Variants in SMPD2 observed in about 807,000 individuals in gnomAD.
SMPD2 encodes N-SMase.
A neutral mutation model predicts 41.7 loss-of-function variants in SMPD2; 35 were observed. That is an observed-to-expected ratio of 0.84 (90% CI 0.64 to 1.11). The LOEUF (loss-of-function observed/expected upper bound fraction) is 1.11. SMPD2 is among the 50% of genes most tolerant of loss of function. SMPD2 has a pLI of 0.00. For missense variants in SMPD2, 520 were observed against 524.8 expected (o/e 0.99, Z 0.09); for synonymous variants, 201 against 208.2 (o/e 0.97, Z 0.30).
chr6:109,441,212 G>T, intron 1 of SMPD2, 41 bp downstream of exon 1: 1 of 1,611,976 alleles, frequency 6.2e-7, no homozygotes. Flanking sequence ...GCCACCTTCC[G>T]TTCGCACCCA....
Position 109,441,053 on chromosome 6 carries a change from C to T in SMPD2, c.-69C>T, listed in dbSNP as rs978619621. On this transcript the variant is annotated 5_prime_UTR_variant, in exon 1 of 10. Coordinates refer to ENST00000258052, the MANE Select transcript of SMPD2 (RefSeq NM_003080.3). ...GGTCTGGGGAGAAGGCGCCGCCGGCCGCCCCCGTCCCCACCGCGGCCGTCG... is the reference window on the plus strand; with the variant it reads ...GGTCTGGGGAGAAGGCGCCGCCGGCTGCCCCCGTCCCCACCGCGGCCGTCG... 3 of 1,530,000 alleles carry T rather than the reference C, an allele frequency of 2.0e-6. No homozygotes were observed. Among genetic ancestry groups the T allele is most frequent in the Admixed American group, 3.4e-5 (2 of 58,016 alleles). The allele number at this position is 1,530,000 out of a possible 1,614,324, so 94.8% of individuals were successfully genotyped here.
In SMPD2 at chr6:109,441,061, T is replaced by TC. The variant is rs1267408905; in HGVS notation, c.-57dup. On this transcript the variant is annotated 5_prime_UTR_variant, in exon 1 of 10. Coordinates refer to ENST00000258052, the MANE Select transcript of SMPD2 (RefSeq NM_003080.3). Reference sequence around the variant, plus strand: ...GAGAAGGCGCCGCCGGCCGCCCCCGTCCCCACCGCGGCCGTCGCTGGAGAG... The same window carrying TC: ...GAGAAGGCGCCGCCGGCCGCCCCCGTCCCCCACCGCGGCCGTCGCTGGAGAG... 1.1e-5 allele frequency: 18 copies of TC among 1,570,614 alleles called. No homozygotes were observed. Among genetic ancestry groups the TC allele is most frequent in the Admixed American group, 8.4e-5 (5 of 59,446 alleles).
Position 109,442,977 on chromosome 6 carries a change from G to C in SMPD2, c.625G>C (p.Gly209Arg). ...DAYLETRDFKGSEEGNTMVPK... is the reference protein window; with the variant it reads ...DAYLETRDFKRSEEGNTMVPK... The stretch of plus-strand genomic sequence containing the variant: ...TAGCATGAGCCAATGATTCCCTTAG[G>C]GCTCTGAGGAAGGCAACACAATGGT... Residue 209 changes from glycine to arginine, a missense_variant and splice_region_variant, in exon 8 of 10, where the codon GGC becomes CGC. Physicochemically the swap from Gly to Arg is moderately radical, Grantham distance 125. Transcript: ENST00000258052. The C allele has an allele frequency of 6.2e-7, 1 of 1,613,968 alleles. No individual in the cohort carries two copies.
At position 109,441,976 on chromosome 6, in the gene SMPD2, G is replaced by A; in HGVS notation, c.227G>A (p.Gly76Glu). The change falls in exon 4 of 10, where the codon GGA (glycine) becomes GAA (glutamate). Residue 76 changes from glycine to glutamate, a missense_variant and splice_region_variant. Transcript: ENST00000258052. ...ATTAAGCAGGGCTTGGCTTTCAGCG[G>A]AATCATTGGCAGTGGCCTCTGTGTC... is the stretch of plus-strand genomic sequence containing the variant. ...TYPAAHHFRS[G>E]IIGSGLCVFS... 1 of 1,614,098 alleles carries A rather than the reference G, an allele frequency of 6.2e-7. No homozygotes were observed. The highest frequency in any genetic ancestry group is 8.5e-7 in the Non-Finnish European group (1 of 1,179,922).
Position 109,442,203 on chromosome 6 carries a change from C to G in SMPD2, c.319-7C>G. 9 of 1,613,982 alleles carry G rather than the reference C, an allele frequency of 5.6e-6. No individual in the cohort carries two copies. Among genetic ancestry groups the G allele is most frequent in the Non-Finnish European group, 7.6e-6 (9 of 1,179,832 alleles). On this transcript the variant is annotated splice_region_variant and splice_polypyrimidine_tract_variant and intron_variant, in intron 4 of 9. Coordinates refer to ENST00000258052, the MANE Select transcript of SMPD2 (RefSeq NM_003080.3). ...TGCCCTGAGTTTCTATCTCCTCCTG[C>G]CTGCAGATCCATCATGGTGACTGGT...
chr6:109,443,191 G>A, intron 8 of SMPD2, 76 bp from the exon 9 acceptor site: 1 of 1,577,290 alleles, frequency 6.3e-7, no homozygotes, highest in South Asian at 1.1e-5. Flanking sequence ...TGGGTGGAAA[G>A]TGGGGTAGCC....
chr6:109,442,180 C>A (rs1248469187), intron 4 of SMPD2, 30 bp from the exon 5 acceptor site: 1 of 1,609,186 alleles, frequency 6.2e-7, no homozygotes, highest in Non-Finnish European at 8.5e-7. Context: ...GGTGGCGGTG[C>A]CCTGAGTTTC....
intron 8 of SMPD2, 70 bp from the exon 9 acceptor site, chr6:109,443,196 GT>G (rs1775027359): frequency 6.3e-7 from 1 of 1,580,838 alleles, no homozygotes; most frequent in Non-Finnish European, 8.7e-7. Context: ...GGAAAGTGGG[GT>G]AGCCGGGAGC....
Position 109,443,613 on chromosome 6 carries a change from C to T in SMPD2, c.980C>T (p.Ala327Val), listed in dbSNP as rs200878366. 2.3e-4 allele frequency: 374 copies of T among 1,613,834 alleles called. No individual in the cohort carries two copies. The highest frequency in any genetic ancestry group is 3.0e-4 in the Non-Finnish European group (349 of 1,179,984). The change falls in exon 10 of 10, where the codon GCT (alanine) becomes GTT (valine). Residue 327 changes from alanine (A) to valine (V), a missense_variant. Physicochemically the swap from Ala to Val is moderately conservative, Grantham distance 64. Transcript: ENST00000258052. Reference sequence around the variant, plus strand: ...CAGGCTCGCTGGTGGGCCACCTTCGCTAGCTATGTGATTGGCCTGGGGCTG... The same window carrying T: ...CAGGCTCGCTGGTGGGCCACCTTCGTTAGCTATGTGATTGGCCTGGGGCTG... ...MAQARWWATF[A>V]SYVIGLGLLL...
chr6:109,442,034 GC>G lies in SMPD2; in HGVS notation c.286del (p.His96ThrfsTer11). 1 of 1,613,710 alleles carries G rather than the reference GC, an allele frequency of 6.2e-7. No individual in the cohort carries two copies. The highest frequency in any genetic ancestry group is 8.5e-7 in the Non-Finnish European group (1 of 1,179,768). On this transcript the variant is annotated frameshift_variant, in exon 4 of 10. Coordinates refer to ENST00000258052, the MANE Select transcript of SMPD2 (RefSeq NM_003080.3). LOFTEE classifies it high-confidence loss of function. ...SKHPIQELTQ[H>X]IYTLNGYPYM... Reference sequence around the variant, plus strand: ...AACATCCAATCCAGGAGCTTACCCAGCACATCTACACTCTCAATGGCTACCC... The same window carrying G: ...AACATCCAATCCAGGAGCTTACCCAGACATCTACACTCTCAATGGCTACCC...
At position 109,440,835 on chromosome 6, in the gene SMPD2, AC is replaced by A; in HGVS notation, c.-282del. On this transcript the variant is annotated 5_prime_UTR_variant, in exon 1 of 10. Transcript: ENST00000258052. ...CCGCCCACCCGGGGGCGCTCTCCGG[AC>A]CCCCAGGGTCCTAGCGCGCGGCCCT... is the stretch of plus-strand genomic sequence containing the variant. 1 of 400,952 alleles carries A rather than the reference AC, an allele frequency of 2.5e-6. No individual in the cohort carries two copies. Among genetic ancestry groups the A allele is most frequent in the Non-Finnish European group, 4.3e-6 (1 of 229,966 alleles). The allele number at this position is 400,952 out of a possible 1,614,324, so 24.8% of individuals were successfully genotyped here.
chr6:109,442,233 T>C lies in SMPD2; in HGVS notation c.342T>C (p.Ser114=). 2 of 1,614,114 alleles carry C rather than the reference T, an allele frequency of 1.2e-6. No homozygotes were observed. Among genetic ancestry groups the C allele is most frequent in the East Asian group, 2.2e-5 (1 of 44,880 alleles). ...PYMIHHGDWF[S]GKAVGLLVLH... The stretch of plus-strand genomic sequence containing the variant: ...AGATCCATCATGGTGACTGGTTCAG[T>C]GGGAAGGCTGTGGGGCTGCTGGTGC... Residue 114 remains serine, a synonymous_variant, in exon 5 of 10, where the codon AGT becomes AGC. Transcript: ENST00000258052.
Position 109,443,285 on chromosome 6 carries a change from A to G in SMPD2, c.748A>G (p.Ile250Val), listed in dbSNP as rs1373461130. The change falls in exon 9 of 10, where the codon ATC becomes GTC. Residue 250 changes from isoleucine (I) to valine (V), a missense_variant. Physicochemically the swap from Ile to Val is conservative, Grantham distance 29. Coordinates refer to ENST00000258052, the MANE Select transcript of SMPD2 (RefSeq NM_003080.3). The stretch of plus-strand genomic sequence containing the variant: ...TTCCTAGGCAGTTTCTGGGTTTTAC[A>G]TCTCCTGTAAGAGTTTTGAAACCAC... ...VLYKAVSGFY[I>V]SCKSFETTTG... 1.9e-6 allele frequency: 3 copies of G among 1,614,004 alleles called. No homozygotes were observed. Among genetic ancestry groups the G allele is most frequent in the Admixed American group, 1.7e-5 (1 of 59,996 alleles).
At position 109,442,240 on chromosome 6, in the gene SMPD2, G is replaced by A. The variant is rs1156936464; in HGVS notation, c.349G>A (p.Ala117Thr). 1 of 1,614,104 alleles carries A rather than the reference G, an allele frequency of 6.2e-7. No individual in the cohort carries two copies. Among genetic ancestry groups the A allele is most frequent in the East Asian group, 2.2e-5 (1 of 44,896 alleles). Residue 117 changes from alanine to threonine, a missense_variant, in exon 5 of 10, where the codon GCT (alanine) becomes ACT (threonine). By Grantham distance (58) the Ala-to-Thr change is moderately conservative. Coordinates refer to ENST00000258052, the MANE Select transcript of SMPD2 (RefSeq NM_003080.3). Reference protein sequence around the residue: ...IHHGDWFSGKAVGLLVLHLSG... With the variant: ...IHHGDWFSGKTVGLLVLHLSG... ...TCATGGTGACTGGTTCAGTGGGAAGGCTGTGGGGCTGCTGGTGCTCCATCT... is the reference window on the plus strand; with the variant it reads ...TCATGGTGACTGGTTCAGTGGGAAGACTGTGGGGCTGCTGGTGCTCCATCT...
At chr6:109,442,437 T>C in intron 5 of SMPD2, 106 bp from the exon 6 acceptor site, 1 of 1,333,576 alleles carries the variant, frequency 7.5e-7, no homozygotes, top group Non-Finnish European at 1.1e-6. Flanking sequence ...GCAAGGCTTA[T>C]CCATTGTATA....
At chr6:109,442,329 G>T (rs368484373) in intron 5 of SMPD2, 30 bp downstream of exon 5, 1 of 1,588,366 alleles carries the variant, frequency 6.3e-7, no homozygotes, top group Non-Finnish European at 8.6e-7. Context: ...CCTAGGGCTG[G>T]GACATGCAGC....
chr6:109,441,754 G>T, intron 3 of SMPD2, 126 bp downstream of exon 3: 1 of 994,180 alleles, frequency 1.0e-6, no homozygotes, highest in African/African-American at 1.6e-5. Context: ...TGTGAGAGAA[G>T]GAGAAGGGTG....
chr6:109,442,443 G>A (rs1340739615), intron 5 of SMPD2, 100 bp from the exon 6 acceptor site: 22 of 1,357,986 alleles, frequency 1.6e-5, no homozygotes, highest in Non-Finnish European at 1.7e-5. Context: ...CTTATCCATT[G>A]TATACCAAAC....
At chr6:109,442,185 A>G in intron 4 of SMPD2, 25 bp from the exon 5 acceptor site, 4 of 1,611,886 alleles carry the variant, frequency 2.5e-6, no homozygotes, top group Non-Finnish European at 3.4e-6. Flanking sequence ...CGGTGCCCTG[A>G]GTTTCTATCT....
Sources: gnomAD v4.1 joint callset for allele counts on GRCh38, gnomAD v4.1.1 for gene constraint, MANE v1.5 for transcripts, NCBI Gene and HGNC (gene_info 2026-07-23, HGNC 2026-07-21) for gene names.